Variants in CCDC92 observed in about 807,000 individuals in gnomAD.
CCDC92 encodes the protein coiled-coil domain containing 92, also known as coiled-coil domain-containing protein 92.
In CCDC92, 12 loss-of-function variants were observed where a neutral mutation model predicts 24.9. The observed-to-expected ratio is 0.48, with a 90% confidence interval of 0.31 to 0.78. The LOEUF (loss-of-function observed/expected upper bound fraction) is 0.78. Among genes scored for constraint, CCDC92 ranks in the 30% least tolerant of loss-of-function variants. The pLI, the probability that CCDC92 is intolerant of heterozygous loss-of-function variation, is 0.05. For missense variants in CCDC92, 399 were observed against 439.4 expected, an observed-to-expected ratio of 0.91 and a Z score of 0.82; for synonymous variants, 193 against 196.3, an observed-to-expected ratio of 0.98 and a Z score of 0.14.
intron 1 of CCDC92, chr12:123,960,641 AGG>A (rs373920412): frequency 6.6e-6 from 1 of 152,216 alleles, no homozygotes; most frequent in Non-Finnish European, 1.5e-5. Flanking sequence ...TCAGAAATTC[AGG>A]GAACACCTGT....
Position 123,937,899 on chromosome 12 carries a change from G to C in CCDC92, c.224-69C>G. On this transcript the variant is annotated intron_variant, in intron 4 of 4. Transcript: ENST00000238156. The surrounding 1 kb of genome is among the most constrained non-coding windows in gnomAD (Gnocchi z 8.4). ...TGAGGCCGAGTGGTGAGGCCTATGG[G>C]GCAGGCGGACCTGTCTGGTGGGGGC... The C allele has an allele frequency of 2.0e-6, 3 of 1,484,204 alleles. No homozygotes were observed. Among genetic ancestry groups the C allele is most frequent in the Non-Finnish European group, 2.7e-6 (3 of 1,103,986 alleles). The allele number at this position is 1,484,204 out of a possible 1,614,324, so 91.9% of individuals were successfully genotyped here. A position where few individuals can be genotyped will look rare whatever the true frequency, so the allele number is the denominator to read the frequency against.
chr12:123,946,286 C>T (rs550186923), intron 1 of CCDC92: 1 of 152,668 alleles, frequency 6.6e-6, no homozygotes, highest in East Asian at 1.9e-4. Flanking sequence ...TGGCCCTTCT[C>T]CTACCCCCAG....
intron 1 of CCDC92, among the ~76,000 whole-genome samples, chr12:123,972,247 G>T (rs1485086610): frequency 6.6e-6 from 1 of 151,822 alleles, no homozygotes; most frequent in Non-Finnish European, 1.5e-5. Flanking sequence ...CGGGCGCGGG[G>T]GTCGCCGAGC....
intron 1 of CCDC92, among the ~76,000 whole-genome samples, chr12:123,955,299 T>C (rs982079028): frequency 1.3e-5 from 2 of 152,246 alleles, no homozygotes; most frequent in Non-Finnish European, 2.9e-5. Context: ...GCAGTTCATA[T>C]CCAACTGGTC....
In CCDC92 at chr12:123,937,025, G is replaced by T; in HGVS notation, c.*33C>A. On this transcript the variant is annotated 3_prime_UTR_variant, in exon 5 of 5. Transcript: ENST00000238156. The surrounding 1 kb of genome is among the most constrained non-coding windows in gnomAD (Gnocchi z 8.4). ...GAGATTTCCCAGTGGTGCTCACAGT[G>T]CATGGACAGCGCGGGGTGGGGCACG... The T allele has an allele frequency of 6.2e-7, 1 of 1,611,234 alleles. No homozygotes were observed.
intron 1 of CCDC92, among the ~76,000 whole-genome samples, chr12:123,961,467 G>A (rs978010179): frequency 6.6e-6 from 1 of 152,234 alleles, no homozygotes; most frequent in Admixed American, 6.5e-5. Flanking sequence ...TAAACTATCT[G>A]ATATGGAAAG....
rs575719179 is a variant in CCDC92 at position 123,968,777 on chromosome 12, G to A, written c.-60+3752C>T. Among the ~76,000 whole-genome samples the A allele has an allele frequency of 5.3e-5, 8 of 152,312 alleles. No homozygotes were observed. The South Asian group carries it at 1.7e-3, about 32-fold the overall frequency. ...AACTCATCTGCTAGAGAACAAGACA[G>A]AGTAACTATTTTAAAAGACGTTTAA... On this transcript the variant is annotated intron_variant, in intron 1 of 4. Transcript: ENST00000238156.
rs555470753 is a variant in CCDC92, at chr12:123,947,387, C to T, written c.-59-3023G>A. Among the ~76,000 whole-genome samples the T allele has an allele frequency of 1.7e-3, 260 of 152,306 alleles. 1 individual carries two copies. The highest frequency in any genetic ancestry group is 2.7e-3 in the Non-Finnish European group (182 of 68,022). Reference sequence around the variant, plus strand: ...TGGCAGGCAGCTCCACCTGCAGCCCCGGTGTGGGATCCACTGGGTGAAGCC... The same window carrying T: ...TGGCAGGCAGCTCCACCTGCAGCCCTGGTGTGGGATCCACTGGGTGAAGCC... On this transcript the variant is annotated intron_variant, in intron 1 of 4. Coordinates refer to ENST00000238156, the MANE Select transcript of CCDC92 (RefSeq NM_025140.3).
intron 1 of CCDC92, among the ~76,000 whole-genome samples, chr12:123,964,988 A>G (rs937657283): frequency 2.0e-5 from 3 of 152,254 alleles, no homozygotes; most frequent in Non-Finnish European, 2.9e-5. Context: ...TAAAGAAATT[A>G]AAATTCAAAT....
chr12:123,938,391 G>C (rs1955589313), intron 4 of CCDC92, among the ~76,000 whole-genome samples: 1 of 152,062 alleles, frequency 6.6e-6, no homozygotes, highest in Non-Finnish European at 1.5e-5. Flanking sequence ...CCTGCTCAGA[G>C]AGTGAGCTGT....
chr12:123,952,518 C>T (rs1956051534), intron 1 of CCDC92, among the ~76,000 whole-genome samples: 1 of 152,234 alleles, frequency 6.6e-6, no homozygotes, highest in South Asian at 2.1e-4. Flanking sequence ...CAAATACCTG[C>T]TTTTAAGAAA....
chr12:123,967,254 T>A (rs1239763172), intron 1 of CCDC92, among the ~76,000 whole-genome samples: 1 of 151,836 alleles, frequency 6.6e-6, no homozygotes, highest in South Asian at 2.1e-4. Context: ...GGTCTTGTCA[T>A]AGGGACTCAA....
intron 1 of CCDC92, among the ~76,000 whole-genome samples, chr12:123,947,655 G>A (rs1184560966): frequency 1.3e-5 from 2 of 152,156 alleles, no homozygotes; most frequent in African/African-American, 2.4e-5. Context: ...GGGAGGTGGT[G>A]AACCTTTGTG....
At chr12:123,940,245 C>A (rs1955643653) in intron 4 of CCDC92, among the ~76,000 whole-genome samples, 1 of 152,216 alleles carries the variant, frequency 6.6e-6, no homozygotes, top group African/African-American at 2.4e-5. Flanking sequence ...GTCAAAGAAC[C>A]TGCCCAAGGC....
At chr12:123,969,594 G>A (rs1038926971) in intron 1 of CCDC92, among the ~76,000 whole-genome samples, 2 of 147,424 alleles carry the variant, frequency 1.4e-5, no homozygotes, top group African/African-American at 2.5e-5. Flanking sequence ...TCAGCCTCCC[G>A]AGTAGCTGGG....
chr12:123,952,976 C>T (rs539679609), intron 1 of CCDC92, among the ~76,000 whole-genome samples: 1 of 152,308 alleles, frequency 6.6e-6, no homozygotes, highest in Non-Finnish European at 1.5e-5. Context: ...TCTGAGTCCT[C>T]ACCTTTCTCT....
At chr12:123,959,185 C>T (rs1422212298) in intron 1 of CCDC92, among the ~76,000 whole-genome samples, 1 of 152,240 alleles carries the variant, frequency 6.6e-6, no homozygotes, top group Non-Finnish European at 1.5e-5. Context: ...GCAGTATCTA[C>T]ACCTCATTAG....
At chr12:123,965,427 C>T (rs1249783320) in intron 1 of CCDC92, among the ~76,000 whole-genome samples, 1 of 152,176 alleles carries the variant, frequency 6.6e-6, no homozygotes, top group Non-Finnish European at 1.5e-5. Context: ...GTATGAAGTC[C>T]TGCTTTTCTT....
In CCDC92 at chr12:123,937,840, T is replaced by G; in HGVS notation, c.224-10A>C. On this transcript the variant is annotated splice_polypyrimidine_tract_variant and intron_variant, in intron 4 of 4. Coordinates refer to ENST00000238156, the MANE Select transcript of CCDC92 (RefSeq NM_025140.3). The surrounding 1 kb of genome is among the most constrained non-coding windows in gnomAD (Gnocchi z 8.4). The stretch of plus-strand genomic sequence containing the variant: ...TTAGAAGTCCCGTCTCCTACAAGAA[T>G]AAGCCGAGGAAGCAGGTGAAGAACT... The G allele has an allele frequency of 6.3e-7, 1 of 1,594,938 alleles. No homozygotes were observed. Among genetic ancestry groups the G allele is most frequent in the Non-Finnish European group, 8.5e-7 (1 of 1,174,526 alleles).
Sources: allele counts gnomAD v4.1 joint callset (sites outside exome capture counted in the v4.1 genomes callset), GRCh38; gene constraint gnomAD v4.1.1; non-coding constraint Gnocchi (gnomAD v3.1); transcripts MANE v1.5; gene names NCBI Gene and HGNC (gene_info 2026-07-23, HGNC 2026-07-21).